The following STAU2 variants were observed in gnomAD, a reference collection of about 807,000 sequenced individuals.
The protein encoded by STAU2 is staufen double-stranded RNA binding protein 2.
STAU2 carries 20 observed loss-of-function variants against 65.9 expected under a neutral mutation model. That is an observed-to-expected ratio of 0.30 (90% CI 0.21 to 0.44). The LOEUF (loss-of-function observed/expected upper bound fraction) is 0.44. Ranked by LOEUF, STAU2 falls within the 20% of genes least tolerant of loss-of-function variation. The pLI is 1.00. For missense variants in STAU2, 558 were observed against 683.9 expected (o/e 0.82, Z 2.05); for synonymous variants, 232 against 233.9 (o/e 0.99, Z 0.07).
intron 13 of STAU2, among the ~76,000 whole-genome samples, chr8:73,426,237 A>G (rs1212278442): frequency 6.6e-6 from 1 of 152,020 alleles, no homozygotes; most frequent in African/African-American, 2.4e-5. Context: ...GTTGCAATAC[A>G]CATAATGCAT....
chr8:73,424,609 T>C (rs1816659818), intron 13 of STAU2, among the ~76,000 whole-genome samples: 1 of 152,122 alleles, frequency 6.6e-6, no homozygotes, highest in Non-Finnish European at 1.5e-5. Flanking sequence ...CGTTCACTTA[T>C]TGAAGGACAT....
At chr8:73,619,228 A>T (rs1422206631) in intron 6 of STAU2, among the ~76,000 whole-genome samples, 2 of 152,170 alleles carry the variant, frequency 1.3e-5, no homozygotes, top group Admixed American at 6.5e-5. Flanking sequence ...AAAAAAGTCT[A>T]TCAAGGAGAA....
intron 3 of STAU2, among the ~76,000 whole-genome samples, chr8:73,736,421 G>C (rs549613800): frequency 6.6e-6 from 1 of 152,154 alleles, no homozygotes; most frequent in Non-Finnish European, 1.5e-5. Flanking sequence ...TCTAACAAGG[G>C]AGACAGATGT....
chr8:73,438,856 G>A lies in STAU2; in HGVS notation c.1531-16154C>T, dbSNP rs1291190868. ...TTGCAACGTGAGAAGGGCTATCAGA[G>A]AGGTGGCGTTCAGAACTACCTAATG... On this transcript the variant is annotated intron_variant, in intron 13 of 14. Coordinates refer to ENST00000524300, the MANE Select transcript of STAU2 (RefSeq NM_001164380.2). The A allele has an allele frequency of 9.3e-6, 4 of 430,534 alleles. No homozygotes were observed. The East Asian group carries it at 2.8e-4, about 30-fold the overall frequency. 26.7% of individuals were successfully genotyped at this position (430,534 alleles called of 1,614,324 possible). A position where few individuals can be genotyped will look rare whatever the true frequency, so the allele number is the denominator to read the frequency against.
chr8:73,514,555 T>A (rs1563396151), intron 13 of STAU2, among the ~76,000 whole-genome samples: 1 of 152,252 alleles, frequency 6.6e-6, no homozygotes, highest in Non-Finnish European at 1.5e-5. Context: ...CCTTTTCTCA[T>A]GCTGTTTCCC....
chr8:73,471,715 G>A (rs565053133), intron 13 of STAU2, among the ~76,000 whole-genome samples: 1 of 151,178 alleles, frequency 6.6e-6, no homozygotes, highest in South Asian at 2.1e-4. Context: ...CTACTTGGGA[G>A]GCTGAGGCAG....
At chr8:73,600,022 C>G (rs1226178168) in intron 10 of STAU2, among the ~76,000 whole-genome samples, 1 of 152,306 alleles carries the variant, frequency 6.6e-6, no homozygotes, top group East Asian at 1.9e-4. Context: ...CCTGCCTCGG[C>G]CTCCCAAAGT....
chr8:73,511,542 T>C (rs1450102367), intron 13 of STAU2: 1 of 152,582 alleles, frequency 6.6e-6, no homozygotes, highest in Non-Finnish European at 1.5e-5. Flanking sequence ...CACCTCGAGG[T>C]TGATGCACAA....
intron 3 of STAU2, among the ~76,000 whole-genome samples, chr8:73,730,568 A>C (rs1407681717): frequency 6.6e-6 from 1 of 152,080 alleles, no homozygotes; most frequent in Non-Finnish European, 1.5e-5. Flanking sequence ...CTCTACTAAA[A>C]ATACAAAAAT....
intron 6 of STAU2, among the ~76,000 whole-genome samples, chr8:73,621,951 C>CTTTT (rs751349117): frequency 7.7e-6 from 1 of 129,896 alleles, no homozygotes; most frequent in Non-Finnish European, 1.6e-5. Flanking sequence ...GTCTTTCTCT[C>CTTTT]TTTTTTTTTT....
intron 3 of STAU2, among the ~76,000 whole-genome samples, chr8:73,718,100 C>CA (rs1369519762): frequency 6.6e-6 from 1 of 152,158 alleles, no homozygotes; most frequent in African/African-American, 2.4e-5. Context: ...GGGGAACTAA[C>CA]GTATTAGGTT....
intron 13 of STAU2, among the ~76,000 whole-genome samples, chr8:73,521,693 C>T (rs541350489): frequency 1.3e-5 from 2 of 152,308 alleles, no homozygotes; most frequent in South Asian, 4.1e-4. Context: ...CAGCAGCAAA[C>T]TGCACCTTCC....
rs573855922 is a variant in STAU2 at position 73,441,633 on chromosome 8, T to C, written c.1531-18931A>G. The C allele has an allele frequency of 6.6e-5, 10 of 152,314 alleles. No homozygotes were observed. In the East Asian group the frequency reaches 1.9e-3, roughly 29 times the overall value. 9.4% of individuals were successfully genotyped at this position (152,314 alleles called of 1,614,324 possible). A position where few individuals can be genotyped will look rare whatever the true frequency, so the allele number is the denominator to read the frequency against. ...AGAATGAATGAGTGGTTAGAAACAG[T>C]ACCCATGTGGAAGAATATATAGCCA... On this transcript the variant is annotated intron_variant, in intron 13 of 14. Transcript: ENST00000524300.
intron 6 of STAU2, among the ~76,000 whole-genome samples, chr8:73,664,507 G>A (rs1002958556): frequency 2.0e-5 from 3 of 152,106 alleles, no homozygotes; most frequent in Non-Finnish European, 4.4e-5. Context: ...ATTAGTGAGC[G>A]CTGACTTCTG....
At chr8:73,663,503 A>T (rs1816993703) in intron 6 of STAU2, among the ~76,000 whole-genome samples, 1 of 152,088 alleles carries the variant, frequency 6.6e-6, no homozygotes, top group South Asian at 2.1e-4. Flanking sequence ...CAAATCTTGA[A>T]GTCAGGTAGT....
At chr8:73,655,910 A>G (rs1816335644) in intron 6 of STAU2, among the ~76,000 whole-genome samples, 1 of 151,844 alleles carries the variant, frequency 6.6e-6, no homozygotes, top group Admixed American at 6.6e-5. Context: ...GGCCTCCCAA[A>G]GTGCTGGGAT....
In STAU2 at chr8:73,738,304, T is replaced by C. The variant is rs749792303; in HGVS notation, c.-38A>G. 207 of 1,607,762 alleles carry C rather than the reference T, an allele frequency of 1.3e-4. No individual in the cohort carries two copies. The highest frequency in any genetic ancestry group is 6.8e-6 in the Non-Finnish European group (8 of 1,178,084). On this transcript the variant is annotated 5_prime_UTR_variant, in exon 3 of 15. Coordinates refer to ENST00000524300, the MANE Select transcript of STAU2 (RefSeq NM_001164380.2). ...CTCACCTGATTTATTTGAAGCATGT[T>C]AAGACAATATTGACCAAACTGCTGT...
At chr8:73,607,745 A>C (rs1472097396) in intron 9 of STAU2, among the ~76,000 whole-genome samples, 1 of 152,032 alleles carries the variant, frequency 6.6e-6, no homozygotes, top group African/African-American at 2.4e-5. Flanking sequence ...CTCAAAAAAA[A>C]AAAAAAAAGC....
chr8:73,698,923 T>TA (rs34819729), intron 4 of STAU2, among the ~76,000 whole-genome samples: 87,212 of 128,940 alleles, frequency 0.68, 29,709 homozygotes, highest in Middle Eastern at 0.74. Context: ...CTTAAAACAT[T>TA]AAAAAAAAAA....
Sources: gnomAD v4.1 joint callset for allele counts (sites outside exome capture counted in the v4.1 genomes callset) on GRCh38, gnomAD v4.1.1 for gene constraint, MANE v1.5 for transcripts, NCBI Gene and HGNC (gene_info 2026-07-23, HGNC 2026-07-21) for gene names.